XRN2: variants seen among roughly 807,000 people sequenced by gnomAD.
The protein encoded by XRN2 is DHM1-like protein.
A neutral mutation model predicts 138.5 loss-of-function variants in XRN2; 44 were observed. The ratio of observed to expected loss-of-function variants is 0.32; its 90% confidence interval spans 0.25 to 0.41. The LOEUF is 0.41. Among genes scored for constraint, XRN2 ranks in the 10% least tolerant of loss-of-function variants. The probability of loss-of-function intolerance (pLI) is 1.00; values close to 1 mark genes in which losing one functional copy is unlikely to be tolerated. For synonymous variants in XRN2, 354 were observed against 369.4 expected, an observed-to-expected ratio of 0.96 and a Z score of 0.48; for missense variants, 937 against 1,169.3, an observed-to-expected ratio of 0.80 and a Z score of 2.90.
Position 21,331,017 on chromosome 20 carries a change from A to G in XRN2, c.576+312A>G, listed in dbSNP as rs112528477. 6.4e-4 allele frequency among the ~76,000 whole-genome samples: 97 copies of G among 152,312 alleles called. 1 individual carries two copies. Among genetic ancestry groups the G allele is most frequent in the African/African-American group, 2.0e-3 (84 of 41,572 alleles). On this transcript the variant is annotated intron_variant, in intron 6 of 29. Transcript: ENST00000377191. ...TGGAAATTTCCATTATTACATATCA[A>G]TATACAGCAAAATTAGTAAGTTGTG...
At chr20:21,303,985 A>G (rs946533696) in intron 1 of XRN2, 8 of 464,452 alleles carry the variant, frequency 1.7e-5, no homozygotes, top group Middle Eastern at 9.9e-4. Flanking sequence ...GTTCAGGACC[A>G]TTTGTTGTTC....
chr20:21,361,130 C>G (rs1009722885), intron 24 of XRN2, among the ~76,000 whole-genome samples: 1 of 152,194 alleles, frequency 6.6e-6, no homozygotes, highest in African/African-American at 2.4e-5. Context: ...AAAAGGTGTT[C>G]TATATTCCAT....
At chr20:21,371,115 C>T (rs999146031) in intron 27 of XRN2, among the ~76,000 whole-genome samples, 5 of 152,100 alleles carry the variant, frequency 3.3e-5, no homozygotes, top group East Asian at 1.9e-4. Context: ...GTTTTTAAAC[C>T]GAAGCTGTAC....
chr20:21,372,577 C>T (rs547954302), intron 27 of XRN2, among the ~76,000 whole-genome samples: 1 of 152,186 alleles, frequency 6.6e-6, no homozygotes, highest in Non-Finnish European at 1.5e-5. Context: ...CATAATTCCA[C>T]AGTCCCGAAA....
intron 22 of XRN2, 116 bp from the exon 23 acceptor site, chr20:21,356,470 G>A (rs577038705): frequency 1.2e-6 from 1 of 810,112 alleles, no homozygotes; most frequent in East Asian, 2.7e-5. Context: ...TAAATATTTG[G>A]GTTTGTTTCT....
At position 21,344,136 on chromosome 20, in the gene XRN2, C is replaced by T. The variant is rs754271288; in HGVS notation, c.1457C>T (p.Pro486Leu). Reference protein sequence around the residue: ...PNTSFTSDGSPSPLGGIKRKA... With the variant: ...PNTSFTSDGSLSPLGGIKRKA... ...ACGAGTTTCACATCTGATGGCTCCCCGTCTCCATTAGGAGGAATTAAGCGA... is the reference window on the plus strand; with the variant it reads ...ACGAGTTTCACATCTGATGGCTCCCTGTCTCCATTAGGAGGAATTAAGCGA... Residue 486 changes from proline (P) to leucine (L), a missense_variant, in exon 16 of 30, where the codon CCG becomes CTG. Physicochemically the swap from Pro to Leu is moderately conservative, Grantham distance 98. Around this residue, in one of 6 missense-constraint regions of XRN2, gnomAD observed 471 missense variants for 581.2 expected, o/e 0.81. Coordinates refer to ENST00000377191, the MANE Select transcript of XRN2 (RefSeq NM_012255.5). 9.9e-6 allele frequency: 16 copies of T among 1,613,088 alleles called. 1 individual carries two copies. The highest frequency in any genetic ancestry group is 1.6e-4 in the Middle Eastern group (1 of 6,084).
In XRN2 at chr20:21,386,940, C is replaced by A; in HGVS notation, c.2721C>A (p.Asn907Lys). ...LQTQNAAFQP[N>K]QYQMLAGPGG... ...CCCAGAATGCAGCCTTCCAGCCAAA[C>A]CAGTACCAGATGCTAGCTGGGCCTG... is the stretch of plus-strand genomic sequence containing the variant. Residue 907 changes from asparagine to lysine, a missense_variant, in exon 29 of 30, where the codon AAC (asparagine) becomes AAA (lysine). Transcript: ENST00000377191. 6.2e-7 allele frequency: 1 copy of A among 1,614,056 alleles called. No individual in the cohort carries two copies. The highest frequency in any genetic ancestry group is 8.5e-7 in the Non-Finnish European group (1 of 1,179,904).
In XRN2 at chr20:21,344,126, G is replaced by C. The variant is rs2038406469; in HGVS notation, c.1447G>C (p.Asp483His). Residue 483 changes from aspartate (D) to histidine (H), a missense_variant, in exon 16 of 30, where the codon GAT becomes CAT. Physicochemically the swap from Asp to His is moderately conservative, Grantham distance 81. Around this residue, in one of 6 missense-constraint regions of XRN2, gnomAD observed 471 missense variants for 581.2 expected, o/e 0.81. Transcript: ENST00000377191. Reference protein sequence around the residue: ...SISPNTSFTSDGSPSPLGGIK... With the variant: ...SISPNTSFTSHGSPSPLGGIK... Reference sequence around the variant, plus strand: ...ATCTCCTAATACGAGTTTCACATCTGATGGCTCCCCGTCTCCATTAGGAGG... The same window carrying C: ...ATCTCCTAATACGAGTTTCACATCTCATGGCTCCCCGTCTCCATTAGGAGG... 1 of 1,613,180 alleles carries C rather than the reference G, an allele frequency of 6.2e-7. No homozygotes were observed.
intron 3 of XRN2, 59 bp downstream of exon 3, chr20:21,326,660 T>A (rs2038133243): frequency 7.3e-7 from 1 of 1,361,456 alleles, no homozygotes; most frequent in East Asian, 2.4e-5. Context: ...GTTACCAGTG[T>A]CTAGAATGAA....
At chr20:21,335,898 G>A (rs559350416) in intron 13 of XRN2, among the ~76,000 whole-genome samples, 10 of 152,276 alleles carry the variant, frequency 6.6e-5, no homozygotes, top group Non-Finnish European at 1.0e-4. Context: ...GATCTTTGTT[G>A]GTGTTCCTGA....
At chr20:21,334,303 C>G in intron 13 of XRN2, 118 bp downstream of exon 13, 2 of 796,836 alleles carry the variant, frequency 2.5e-6, no homozygotes, top group Non-Finnish European at 2.0e-6. Context: ...TGTGTCAACA[C>G]TAATGTAATC....
chr20:21,364,152 C>G (rs1304214343), intron 24 of XRN2, among the ~76,000 whole-genome samples: 1 of 152,050 alleles, frequency 6.6e-6, no homozygotes, highest in Non-Finnish European at 1.5e-5. Context: ...AGGATGGTCT[C>G]GATCTCCTGA....
Position 21,331,668 on chromosome 20 carries a change from C to A in XRN2, c.649+35C>A, listed in dbSNP as rs552499003. On this transcript the variant is annotated intron_variant, in intron 7 of 29. Transcript: ENST00000377191. ...ACTTACCAATATTTGATTATATGTT[C>A]TATTTTTAAAAAGCCATTGCATAGA... 1.9e-6 allele frequency: 3 copies of A among 1,601,074 alleles called. No homozygotes were observed. In the South Asian group the frequency reaches 3.4e-5, roughly 18 times the overall value.
intron 1 of XRN2, among the ~76,000 whole-genome samples, chr20:21,319,363 T>G (rs2038006722): frequency 6.6e-6 from 1 of 152,174 alleles, no homozygotes; most frequent in Middle Eastern, 3.2e-3. Context: ...TTGGATTGTT[T>G]GATCCATTCA....
Position 21,306,281 on chromosome 20 carries a change from C to T in XRN2, c.75+2808C>T, listed in dbSNP as rs1212003087. On this transcript the variant is annotated intron_variant, in intron 1 of 29. Transcript: ENST00000377191. ...CCTCCCGAGTAGCTGGGACTACAGG[C>T]GCGCCACCACGCCCGGCTAATTTTT... Among the ~76,000 whole-genome samples, 3 of 73,264 alleles carry T rather than the reference C, an allele frequency of 4.1e-5. 1 individual carries two copies. The highest frequency in any genetic ancestry group is 9.5e-5 in the Non-Finnish European group (3 of 31,500). 48.1% of individuals were successfully genotyped at this position (73,264 alleles called of 152,430 possible). A position where few individuals can be genotyped will look rare whatever the true frequency, so the allele number is the denominator to read the frequency against.
chr20:21,358,701 A>C (rs2038603062), intron 24 of XRN2, among the ~76,000 whole-genome samples: 1 of 152,182 alleles, frequency 6.6e-6, no homozygotes, highest in Non-Finnish European at 1.5e-5. Flanking sequence ...CTTTTATTTA[A>C]AGAAAACTAC....
chr20:21,329,302 A>C (rs922011808), intron 4 of XRN2, among the ~76,000 whole-genome samples: 1 of 152,198 alleles, frequency 6.6e-6, no homozygotes, highest in African/African-American at 2.4e-5. Flanking sequence ...ACTAAGCCTC[A>C]GAGAAAAGGA....
At chr20:21,388,586 A>G (rs1220612566) in intron 29 of XRN2, among the ~76,000 whole-genome samples, 1 of 152,198 alleles carries the variant, frequency 6.6e-6, no homozygotes, top group Non-Finnish European at 1.5e-5. Flanking sequence ...GTTCATGTTT[A>G]AAGTACTGAA....
At chr20:21,375,810 TTTTA>T (rs1467384545) in intron 27 of XRN2, among the ~76,000 whole-genome samples, 7 of 146,994 alleles carry the variant, frequency 4.8e-5, no homozygotes, top group African/African-American at 1.2e-4. Flanking sequence ...TACCAGGTGT[TTTTA>T]TTTATTTATT....
Sources: gnomAD v4.1 joint callset for allele counts (sites outside exome capture counted in the v4.1 genomes callset) on GRCh38, gnomAD v4.1.1 for gene constraint, gnomAD v4.1.1 regional missense constraint, MANE v1.5 for transcripts, NCBI Gene and HGNC (gene_info 2026-07-23, HGNC 2026-07-21) for gene names.